FBXL13: variants seen among roughly 807,000 people sequenced by gnomAD.
FBXL13 encodes F-box and leucine rich repeat protein 13.
FBXL13 carries 67 observed loss-of-function variants against 83.6 expected under a neutral mutation model. The observed-to-expected ratio is 0.80, with a 90% confidence interval of 0.66 to 0.98. The LOEUF (loss-of-function observed/expected upper bound fraction) is 0.98. FBXL13 is among the 50% of genes least tolerant of loss of function. The pLI is 0.00. For missense variants in FBXL13, 822 were observed against 866.5 expected (o/e 0.95, Z 0.64); for synonymous variants, 272 against 299.5 (o/e 0.91, Z 0.95).
intron 10 of FBXL13, among the ~76,000 whole-genome samples, chr7:102,923,784 C>T (rs1458881365): frequency 2.0e-5 from 3 of 151,850 alleles, no homozygotes; most frequent in African/African-American, 7.2e-5. Context: ...AAGATTGCAC[C>T]ACTGTACTCC....
chr7:103,070,491 C>T (rs947281177), intron 1 of FBXL13, among the ~76,000 whole-genome samples: 1 of 152,184 alleles, frequency 6.6e-6, no homozygotes, highest in Non-Finnish European at 1.5e-5. Context: ...GCTAGAATTA[C>T]AGGCATAAGC....
At chr7:102,963,346 A>G (rs1354110242) in intron 8 of FBXL13, among the ~76,000 whole-genome samples, 187 bp downstream of exon 9, 4 of 151,844 alleles carry the variant, frequency 2.6e-5, no homozygotes, top group African/African-American at 9.7e-5. Flanking sequence ...TAGACAAAGA[A>G]CCAACTCCCA....
rs73408289 is a variant in FBXL13, at chr7:102,983,898, G to A, written c.496-15781C>T. ...ACTCTCCCTCAGGGCACATGTGGAA[G>A]CTTTCAGTCATTTATGCAGTACTTG... On this transcript the variant is annotated intron_variant, in intron 6 of 19. Coordinates refer to ENST00000313221, the Ensembl canonical transcript of FBXL13. Among the ~76,000 whole-genome samples the A allele has an allele frequency of 6.8e-3, 1,029 of 152,276 alleles. 15 individuals carry two copies. The highest frequency in any genetic ancestry group is 0.023 in the African/African-American group (951 of 41,534).
intron 17 of FBXL13, among the ~76,000 whole-genome samples, chr7:102,849,758 A>C (rs1158650023): frequency 1.3e-5 from 2 of 152,204 alleles, no homozygotes; most frequent in East Asian, 3.8e-4. Flanking sequence ...AAAGATTACC[A>C]CATGCCCAGA....
chr7:102,989,654 G>C lies in FBXL13; in HGVS notation c.496-21537C>G, dbSNP rs558982807. ...TTCAGCTGTGCAGTGACCGAGGGGCGAGTCTATCTGATTCAGGGATGAAAG... is the reference window on the plus strand; with the variant it reads ...TTCAGCTGTGCAGTGACCGAGGGGCCAGTCTATCTGATTCAGGGATGAAAG... On this transcript the variant is annotated intron_variant, in intron 6 of 19. Transcript: ENST00000313221. Among the ~76,000 whole-genome samples the C allele has an allele frequency of 6.3e-4, 96 of 152,324 alleles. 3 individuals carry two copies. The South Asian group carries it at 0.019, about 30-fold the overall frequency.
At chr7:102,836,599 C>T (rs895945998) in intron 17 of FBXL13, among the ~76,000 whole-genome samples, 3 of 152,180 alleles carry the variant, frequency 2.0e-5, no homozygotes, top group Non-Finnish European at 4.4e-5. Context: ...CAAACATTAT[C>T]AAGTTTGGCT....
chr7:102,906,578 A>G (rs1813786113), intron 11 of FBXL13, among the ~76,000 whole-genome samples: 2 of 152,058 alleles, frequency 1.3e-5, no homozygotes, highest in Non-Finnish European at 2.9e-5. Flanking sequence ...GAAAGTATTT[A>G]TTTCTCCCTC....
At chr7:102,949,470 T>C (rs907634812) in intron 8 of FBXL13, among the ~76,000 whole-genome samples, 9 of 152,178 alleles carry the variant, frequency 5.9e-5, no homozygotes, top group African/African-American at 2.2e-4. Context: ...TTCCTCTCTA[T>C]GTGTCCATGT....
chr7:102,944,052 C>G (rs1032027709), intron 8 of FBXL13, among the ~76,000 whole-genome samples: 4 of 152,094 alleles, frequency 2.6e-5, no homozygotes. Flanking sequence ...TAAAAGTTTT[C>G]TAAAGTAAAA....
intron 8 of FBXL13, among the ~76,000 whole-genome samples, chr7:102,959,012 G>T (rs542631700): frequency 2.6e-5 from 4 of 152,032 alleles, no homozygotes; most frequent in East Asian, 3.9e-4. Flanking sequence ...TTGCAAAAAA[G>T]GTCCTAAACA....
At chr7:103,064,886 T>A (rs1327232184) in intron 1 of FBXL13, among the ~76,000 whole-genome samples, 1 of 152,226 alleles carries the variant, frequency 6.6e-6, no homozygotes, top group Non-Finnish European at 1.5e-5. Flanking sequence ...CCAAGCCTAC[T>A]GGTTCACAGA....
intron 2 of FBXL13, among the ~76,000 whole-genome samples, chr7:103,054,713 G>A (rs1797170560): frequency 1.3e-5 from 2 of 152,178 alleles, no homozygotes; most frequent in Non-Finnish European, 2.9e-5. Context: ...CGGTGGAATG[G>A]AACACAGAAG....
intron 11 of FBXL13, among the ~76,000 whole-genome samples, chr7:102,903,381 C>T (rs1000096810): frequency 6.6e-6 from 1 of 151,978 alleles, no homozygotes; most frequent in African/African-American, 2.4e-5. Flanking sequence ...TGACTTCTTC[C>T]TTTTCAATTT....
At chr7:102,830,135 G>C (rs978790647) in intron 18 of FBXL13, among the ~76,000 whole-genome samples, 1 of 152,080 alleles carries the variant, frequency 6.6e-6, no homozygotes, top group Non-Finnish European at 1.5e-5. Context: ...CTTAGCTTCT[G>C]GGCTGCAAGA....
intron 11 of FBXL13, among the ~76,000 whole-genome samples, chr7:102,890,303 A>T (rs564728060): frequency 3.0e-4 from 46 of 152,274 alleles, no homozygotes; most frequent in South Asian, 2.1e-3. Context: ...TCTGTGTAGG[A>T]TTTTTACACC....
chr7:103,041,735 C>T (rs942441705), intron 2 of FBXL13, among the ~76,000 whole-genome samples: 2 of 152,182 alleles, frequency 1.3e-5, no homozygotes, highest in African/African-American at 2.4e-5. Flanking sequence ...ATGATTATCT[C>T]AATAGATGTA....
At chr7:103,069,359 T>A (rs1362713665) in intron 1 of FBXL13, among the ~76,000 whole-genome samples, 2 of 152,240 alleles carry the variant, frequency 1.3e-5, no homozygotes, top group African/African-American at 4.8e-5. Flanking sequence ...GTGTGTGATT[T>A]TTATGCCCTC....
At chr7:102,848,894 G>A (rs575588707) in intron 17 of FBXL13, among the ~76,000 whole-genome samples, 27 of 152,208 alleles carry the variant, frequency 1.8e-4, no homozygotes, top group Non-Finnish European at 2.5e-4. Context: ...CAGCTACTCG[G>A]GAGGCTGAGG....
At chr7:103,046,913 T>C (rs897229663) in intron 2 of FBXL13, 2 of 152,264 alleles carry the variant, frequency 1.3e-5, no homozygotes, top group East Asian at 3.8e-4. Context: ...TGTTGCAGTG[T>C]GGATGGCAAG....
Sources: allele counts gnomAD v4.1 joint callset (sites outside exome capture counted in the v4.1 genomes callset), GRCh38; gene constraint gnomAD v4.1.1; transcripts MANE v1.5; gene names NCBI Gene and HGNC (gene_info 2026-07-23, HGNC 2026-07-21).